NRG1: variants seen among roughly 807,000 people sequenced by gnomAD.
The protein encoded by NRG1 is neuregulin 1.
NRG1 carries 18 observed loss-of-function variants against 63.8 expected under a neutral mutation model. The ratio of observed to expected loss-of-function variants is 0.28; its 90% CI spans 0.19 to 0.42. The LOEUF is 0.42. Among genes scored for constraint, NRG1 ranks in the 10% least tolerant of loss-of-function variants. The pLI is 1.00. For missense variants in NRG1, 762 were observed against 814.7 expected (o/e 0.94, Z 0.79); for synonymous variants, 302 against 301.3 (o/e 1.00, Z -0.02).
intron 5 of NRG1, among the ~76,000 whole-genome samples, chr8:32,707,498 A>T (rs564681592): frequency 6.6e-6 from 1 of 152,238 alleles, no homozygotes; most frequent in South Asian, 2.1e-4. Flanking sequence ...TATGAAATAA[A>T]CTGTTACCTT....
intron 1 of NRG1, among the ~76,000 whole-genome samples, chr8:31,967,563 C>T (rs1301881542): frequency 6.6e-6 from 1 of 152,152 alleles, no homozygotes; most frequent in Non-Finnish European, 1.5e-5. Context: ...TTCCATAAAT[C>T]CAAGCAAGAC....
At chr8:32,427,601 C>T (rs1010091347) in intron 1 of NRG1, among the ~76,000 whole-genome samples, 2 of 152,224 alleles carry the variant, frequency 1.3e-5, no homozygotes, top group South Asian at 4.1e-4. Context: ...CTTGCATGTG[C>T]GTTTTAGAGG....
At chr8:32,279,729 A>C (rs754911567) in intron 1 of NRG1, among the ~76,000 whole-genome samples, 3 of 152,204 alleles carry the variant, frequency 2.0e-5, no homozygotes, top group Non-Finnish European at 2.9e-5. Context: ...ATTTTATTTG[A>C]ATTGGAAAAG....
chr8:32,250,213 T>C (rs573646694), intron 1 of NRG1, among the ~76,000 whole-genome samples: 2 of 152,248 alleles, frequency 1.3e-5, no homozygotes, highest in Admixed American at 1.3e-4. Flanking sequence ...ATCAACTCCA[T>C]AAAAACGGTT....
chr8:32,637,299 A>C (rs1254497438), intron 5 of NRG1, among the ~76,000 whole-genome samples: 4 of 152,108 alleles, frequency 2.6e-5, no homozygotes, highest in African/African-American at 4.8e-5. Context: ...CCCAGCATGC[A>C]TAGTATATAT....
intron 1 of NRG1, among the ~76,000 whole-genome samples, chr8:32,465,669 T>A (rs1822966845): frequency 6.6e-6 from 1 of 152,238 alleles, no homozygotes; most frequent in South Asian, 2.1e-4. Context: ...CAGTTATTAT[T>A]TCGGGAAATT....
intron 1 of NRG1, among the ~76,000 whole-genome samples, chr8:31,999,864 G>T (rs1433286102): frequency 6.6e-6 from 1 of 151,960 alleles, no homozygotes; most frequent in East Asian, 1.9e-4. Context: ...ACAAAAAAAT[G>T]TGCATTTTTT....
At chr8:31,659,566 G>A (rs190401425) in intron 1 of NRG1, among the ~76,000 whole-genome samples, 1 of 152,216 alleles carries the variant, frequency 6.6e-6, no homozygotes, top group African/African-American at 2.4e-5. Flanking sequence ...AGCTTTTGGA[G>A]AGGGGAATTG....
At chr8:31,653,828 C>G (rs1438631526) in intron 1 of NRG1, among the ~76,000 whole-genome samples, 2 of 152,224 alleles carry the variant, frequency 1.3e-5, no homozygotes, top group Non-Finnish European at 2.9e-5. Flanking sequence ...CACATTCACT[C>G]TGTCTCTCCC....
intron 1 of NRG1, among the ~76,000 whole-genome samples, chr8:32,512,190 A>G (rs1829298385): frequency 6.6e-6 from 1 of 152,214 alleles, no homozygotes; most frequent in Non-Finnish European, 1.5e-5. Context: ...TCACAGAAAG[A>G]CATTTCTGCT....
intron 1 of NRG1, among the ~76,000 whole-genome samples, chr8:31,794,393 G>T (rs1473563084): frequency 6.6e-6 from 1 of 151,348 alleles, no homozygotes; most frequent in Non-Finnish European, 1.5e-5. Flanking sequence ...GATATTGTTA[G>T]CTGTTATAAA....
intron 1 of NRG1, among the ~76,000 whole-genome samples, chr8:32,140,597 G>A (rs901295770): frequency 6.6e-6 from 1 of 151,952 alleles, no homozygotes; most frequent in Non-Finnish European, 1.5e-5. Context: ...GAGTAGCTGG[G>A]ACTACAGGCA....
intron 1 of NRG1, among the ~76,000 whole-genome samples, chr8:31,834,330 C>CACACACACAT (rs34893626): frequency 0.14 from 20,845 of 151,366 alleles, 1,704 homozygotes; most frequent in Non-Finnish European, 0.18. Context: ...CACACACACA[C>CACACACACAT]GCACACCAAT....
chr8:32,142,179 A>T lies in NRG1; in HGVS notation c.38-453649A>T, dbSNP rs558136305. ...TTTTTGAACTGATAGAGGGATGGGT[A>T]TCTGGTGGGTCTCTTCAGTCAGCTC... On this transcript the variant is annotated intron_variant, in intron 1 of 10. Coordinates refer to the NRG1 transcript ENST00000519301. Among the ~76,000 whole-genome samples the T allele has an allele frequency of 1.3e-3, 205 of 152,302 alleles. 1 individual carries two copies. Among genetic ancestry groups the T allele is most frequent in the Non-Finnish European group, 2.6e-3 (180 of 68,022 alleles).
intron 1 of NRG1, among the ~76,000 whole-genome samples, chr8:32,381,649 C>T (rs2347508): frequency 0.088 from 13,447 of 152,206 alleles, 675 homozygotes; most frequent in African/African-American, 0.13. Flanking sequence ...TAAACAACAA[C>T]TTCTGAGTTA....
intron 1 of NRG1, among the ~76,000 whole-genome samples, chr8:32,065,756 G>A (rs933912693): frequency 7.9e-5 from 12 of 152,228 alleles, no homozygotes; most frequent in African/African-American, 2.9e-4. Context: ...CTGAGGAATC[G>A]CCACCCTGAC....
chr8:31,703,936 T>C (rs1218306232), intron 1 of NRG1, among the ~76,000 whole-genome samples: 1 of 152,234 alleles, frequency 6.6e-6, no homozygotes, highest in Non-Finnish European at 1.5e-5. Flanking sequence ...CCTCCACACA[T>C]TTTGCCTAAA....
At chr8:32,174,495 G>T (rs1840461123) in intron 1 of NRG1, among the ~76,000 whole-genome samples, 1 of 152,122 alleles carries the variant, frequency 6.6e-6, no homozygotes, top group Non-Finnish European at 1.5e-5. Context: ...GAGCAGAACT[G>T]AAGGAAATAG....
intron 1 of NRG1, among the ~76,000 whole-genome samples, chr8:31,652,971 TC>T (rs1805015370): frequency 4.3e-5 from 1 of 23,362 alleles, no homozygotes; most frequent in Non-Finnish European, 1.1e-4. Flanking sequence ...TCTCCTCTCC[TC>T]TCCTCTCCTC....
Sources: allele counts gnomAD v4.1 joint callset (sites outside exome capture counted in the v4.1 genomes callset), GRCh38; gene constraint gnomAD v4.1.1; transcripts MANE v1.5; gene names NCBI Gene and HGNC (gene_info 2026-07-23, HGNC 2026-07-21).